Variants in ZNF609 observed in about 807,000 individuals in gnomAD.
ZNF609 encodes the protein zinc finger protein 609.
A neutral mutation model predicts 109.5 loss-of-function variants in ZNF609; 11 were observed. The ratio of observed to expected loss-of-function variants is 0.10; its 90% CI spans 0.06 to 0.17. The LOEUF is 0.17. Ranked by LOEUF, ZNF609 falls within the 10% of genes least tolerant of loss-of-function variation. ZNF609 has a pLI of 1.00. For synonymous variants in ZNF609, 646 were observed against 662.0 expected (o/e 0.98, Z 0.37); for missense variants, 1,559 against 1,772.4 (o/e 0.88, Z 2.16).
intron 2 of ZNF609, chr15:64,528,779 GC>G: frequency 2.4e-6 from 2 of 849,472 alleles, no homozygotes. Context: ...GACAATGGCT[GC>G]CCCAGCATCG....
At chr15:64,603,029 G>A (rs531981652) in intron 2 of ZNF609, among the ~76,000 whole-genome samples, 230 of 150,474 alleles carry the variant, frequency 1.5e-3, no homozygotes, top group Non-Finnish European at 2.6e-3. Flanking sequence ...ACAGGCGTGA[G>A]CTGCCGTGCC....
rs528611879 is a variant in ZNF609, at chr15:64,474,850, T to G, written c.-128+14012T>G. ...TCATTTTGCTTCTTTCTATAAAATC[T>G]TCGATGGTTCCCATTGCCTACATAG... On this transcript the variant is annotated intron_variant, in intron 1 of 9. Transcript: ENST00000326648. 1.6e-4 allele frequency among the ~76,000 whole-genome samples: 24 copies of G among 152,322 alleles called. No homozygotes were observed. The South Asian group carries it at 3.5e-3, about 22-fold the overall frequency.
chr15:64,652,504 A>G (rs1367336454), intron 3 of ZNF609, among the ~76,000 whole-genome samples: 1 of 150,766 alleles, frequency 6.6e-6, no homozygotes, highest in Non-Finnish European at 1.5e-5. Context: ...TCCCCACCTC[A>G]GCCTTCCAAG....
In ZNF609 at chr15:64,674,143, T is replaced by C; in HGVS notation, c.1289T>C (p.Val430Ala). ...RPPASSTSED[V>A]KASPSSANKR... ...CCTGCCAGCAGCACTTCTGAGGATG[T>C]CAAGGCCAGCCCTTCCTCAGCTAAT... The change falls in exon 5 of 10, where the codon GTC becomes GCC. Residue 430 changes from valine (V) to alanine (A), a missense_variant. This residue lies in a region of ZNF609 where 1,204 missense variants were observed against 1,314.1 expected (regional missense o/e 0.92). Coordinates refer to ENST00000326648, the MANE Select transcript of ZNF609 (RefSeq NM_015042.2). The C allele has an allele frequency of 1.2e-6, 2 of 1,614,186 alleles. No homozygotes were observed. Among genetic ancestry groups the C allele is most frequent in the Non-Finnish European group, 1.7e-6 (2 of 1,180,030 alleles).
intron 2 of ZNF609, among the ~76,000 whole-genome samples, chr15:64,552,812 C>A (rs1244180875): frequency 1.3e-5 from 2 of 152,048 alleles, no homozygotes; most frequent in Non-Finnish European, 2.9e-5. Context: ...CCGTGCCTGA[C>A]TAATTTTTTT....
At chr15:64,533,648 G>A (rs1156414014) in intron 2 of ZNF609, among the ~76,000 whole-genome samples, 3 of 152,040 alleles carry the variant, frequency 2.0e-5, no homozygotes, top group African/African-American at 7.2e-5. Context: ...TTTCAGTGTG[G>A]TTTTTGTCTA....
At chr15:64,541,287 C>T (rs1475623008) in intron 2 of ZNF609, among the ~76,000 whole-genome samples, 3 of 149,848 alleles carry the variant, frequency 2.0e-5, no homozygotes, top group South Asian at 4.2e-4. Flanking sequence ...ATTGGCCGGG[C>T]GTGGTGTCGG....
intron 4 of ZNF609, among the ~76,000 whole-genome samples, chr15:64,672,517 C>T (rs1697678941): frequency 6.1e-5 from 9 of 147,954 alleles, no homozygotes; most frequent in Middle Eastern, 3.6e-3. Context: ...CCCAGCTACT[C>T]GGGAGCCTGA....
rs141265247 is a variant in ZNF609, at chr15:64,655,082, C to T, written c.974-15264C>T. Among the ~76,000 whole-genome samples the T allele has an allele frequency of 4.1e-3, 522 of 128,842 alleles. 3 individuals are homozygous for T. The highest frequency in any genetic ancestry group is 0.014 in the African/African-American group (502 of 35,014). 84.5% of individuals were successfully genotyped at this position (128,842 alleles called of 152,430 possible). Reference sequence around the variant, plus strand: ...CTGTGGTCCAGCCTGGGTGACAGAACGAGACTCCATCTCAAAAAAAAAAAA... The same window carrying T: ...CTGTGGTCCAGCCTGGGTGACAGAATGAGACTCCATCTCAAAAAAAAAAAA... On this transcript the variant is annotated intron_variant, in intron 3 of 9. Coordinates refer to ENST00000326648, the MANE Select transcript of ZNF609 (RefSeq NM_015042.2).
intron 3 of ZNF609, among the ~76,000 whole-genome samples, chr15:64,639,421 G>T (rs1482867197): frequency 1.3e-5 from 2 of 152,178 alleles, no homozygotes; most frequent in Non-Finnish European, 2.9e-5. Context: ...GTGTTGGCAG[G>T]ACCATCTGTC....
rs549721844 is a variant in ZNF609, at chr15:64,529,029, C to T, written c.747+28863C>T. The stretch of plus-strand genomic sequence containing the variant: ...GCTCAGGGATGACCTTACCCACAGG[C>T]TTGGCAGCGCCAGTAGAGACAGGGA... On this transcript the variant is annotated intron_variant, in intron 2 of 9. Coordinates refer to ENST00000326648, the MANE Select transcript of ZNF609 (RefSeq NM_015042.2). 1.2e-5 allele frequency: 18 copies of T among 1,484,372 alleles called. No homozygotes were observed. In the African/African-American group the frequency reaches 1.9e-4, roughly 16 times the overall value. The allele number at this position is 1,484,372 out of a possible 1,614,324, so 92.0% of individuals were successfully genotyped here. A position where few individuals can be genotyped will look rare whatever the true frequency, so the allele number is the denominator to read the frequency against.
chr15:64,642,130 A>G (rs1460792449), intron 3 of ZNF609, among the ~76,000 whole-genome samples: 2 of 152,186 alleles, frequency 1.3e-5, no homozygotes, highest in African/African-American at 4.8e-5. Context: ...ATTCTCTCTA[A>G]TAATTTGCAT....
intron 2 of ZNF609, among the ~76,000 whole-genome samples, chr15:64,571,604 G>A (rs1255918172): frequency 1.3e-5 from 2 of 152,056 alleles, no homozygotes; most frequent in Non-Finnish European, 2.9e-5. Flanking sequence ...GGGTAAACTG[G>A]ATGCCAGAGG....
intron 2 of ZNF609, among the ~76,000 whole-genome samples, chr15:64,524,578 A>AG (rs1204341064): frequency 9.0e-5 from 13 of 143,984 alleles, no homozygotes; most frequent in East Asian, 6.0e-4. Context: ...AAAAAAAAAA[A>AG]GGGGGGGGCC....
chr15:64,515,131 C>G (rs1036309886), intron 2 of ZNF609, among the ~76,000 whole-genome samples: 17 of 152,104 alleles, frequency 1.1e-4, no homozygotes, highest in African/African-American at 3.6e-4. Flanking sequence ...TATGTTCTAC[C>G]TGGGACATTC....
intron 2 of ZNF609, among the ~76,000 whole-genome samples, chr15:64,551,205 A>G (rs148552541): frequency 6.1e-4 from 93 of 152,066 alleles, no homozygotes; most frequent in Middle Eastern, 3.4e-3. Flanking sequence ...ATAGGCATGC[A>G]CTCTGCCCAG....
chr15:64,538,803 C>G (rs1894196467), intron 2 of ZNF609, among the ~76,000 whole-genome samples: 1 of 152,150 alleles, frequency 6.6e-6, no homozygotes, highest in African/African-American at 2.4e-5. Flanking sequence ...CCTCGACCTC[C>G]CAAAGTGCTG....
At chr15:64,605,612 T>C (rs918233780) in intron 2 of ZNF609, among the ~76,000 whole-genome samples, 1 of 152,204 alleles carries the variant, frequency 6.6e-6, no homozygotes. Flanking sequence ...TTATGAAATA[T>C]AGGTAACTTT....
chr15:64,615,500 T>C (rs1895785573), intron 2 of ZNF609, among the ~76,000 whole-genome samples: 1 of 151,908 alleles, frequency 6.6e-6, no homozygotes, highest in Admixed American at 6.6e-5. Flanking sequence ...TTTTTTTTTT[T>C]TTTGAGATGG....
Sources: allele counts gnomAD v4.1 joint callset (sites outside exome capture counted in the v4.1 genomes callset), GRCh38; gene constraint gnomAD v4.1.1; regional missense constraint gnomAD v4.1.1; transcripts MANE v1.5; gene names NCBI Gene and HGNC (gene_info 2026-07-23, HGNC 2026-07-21).